The following RBM23 variants were observed in gnomAD, a reference collection of about 807,000 sequenced individuals.
RBM23 encodes the protein probable RNA-binding protein 23.
In RBM23, 53 loss-of-function variants were observed where a neutral mutation model predicts 56.2. That is an observed-to-expected ratio of 0.94 (90% CI 0.76 to 1.19). The LOEUF (loss-of-function observed/expected upper bound fraction) is 1.19. RBM23 is among the 50% of genes most tolerant of loss of function. The pLI is 0.00. For missense variants in RBM23, 642 were observed against 590.3 expected, an observed-to-expected ratio of 1.09 and a Z score of -0.91; for synonymous variants, 197 against 198.5, an observed-to-expected ratio of 0.99 and a Z score of 0.06.
chr14:22,918,045 G>A (rs1166158116), intron 1 of RBM23, among the ~76,000 whole-genome samples: 1 of 152,122 alleles, frequency 6.6e-6, no homozygotes, highest in Non-Finnish European at 1.5e-5. Context: ...GAGGAACAAT[G>A]AGAACGATAA....
rs541548406 is a variant in RBM23, at chr14:22,898,081, G to A, written c.*3649C>T. On this transcript the variant is annotated 3_prime_UTR_variant, in exon 14 of 14. Transcript: ENST00000359890. ...TAAAGCCTTTCCATTACACGGAAAA[G>A]AGGGACTGTGATATAATTCCATCCT... is the stretch of plus-strand genomic sequence containing the variant. 2.0e-5 allele frequency: 3 copies of A among 152,334 alleles called. No individual in the cohort carries two copies. Among genetic ancestry groups the A allele is most frequent in the African/African-American group, 7.2e-5 (3 of 41,574 alleles). The allele number at this position is 152,334 out of a possible 1,614,324, so 9.4% of individuals were successfully genotyped here.
chr14:22,912,327 GGCCTTAT>G (rs1437507544), intron 1 of RBM23, among the ~76,000 whole-genome samples: 5 of 151,944 alleles, frequency 3.3e-5, no homozygotes, highest in Admixed American at 1.3e-4. Context: ...CAATAATTAG[GGCCTTAT>G]CCCTGAGCAT....
chr14:22,903,779 T>C, intron 10 of RBM23: 1 of 1,000,648 alleles, frequency 1.0e-6, no homozygotes, highest in African/African-American at 1.7e-5. Flanking sequence ...TGCCCATAAT[T>C]AGGTGGCCTC....
rs552875763 is a variant in RBM23, at chr14:22,897,158, T to C, written c.*4572A>G. On this transcript the variant is annotated 3_prime_UTR_variant, in exon 14 of 14. Transcript: ENST00000359890. Reference sequence around the variant, plus strand: ...AAGCCTGGTGCTGACTTTAACACTTTAATGAACAGCATTCATTCAATTCTA... The same window carrying C: ...AAGCCTGGTGCTGACTTTAACACTTCAATGAACAGCATTCATTCAATTCTA... 1 of 152,326 alleles carries C rather than the reference T, an allele frequency of 6.6e-6. No homozygotes were observed. The highest frequency in any genetic ancestry group is 2.1e-4 in the South Asian group (1 of 4,830). 9.4% of individuals were successfully genotyped at this position (152,326 alleles called of 1,614,324 possible). A position where few individuals can be genotyped will look rare whatever the true frequency, so the allele number is the denominator to read the frequency against.
At chr14:22,915,945 G>A (rs1470480531) in intron 1 of RBM23, among the ~76,000 whole-genome samples, 1 of 152,204 alleles carries the variant, frequency 6.6e-6, no homozygotes, top group Non-Finnish European at 1.5e-5. Context: ...CCAGGCAGAG[G>A]GGGTGGCTCA....
Position 22,895,617 on chromosome 14 carries a change from A to G in RBM23, c.*6113T>C, listed in dbSNP as rs932404850. ...CACCTGGGCAACATAGCAAGACCCC[A>G]TCTCTACAAAAAATACAAAACTTAG... On this transcript the variant is annotated 3_prime_UTR_variant, in exon 14 of 14. Coordinates refer to ENST00000359890, the MANE Select transcript of RBM23 (RefSeq NM_001077351.2). 6.6e-6 allele frequency: 1 copy of G among 152,662 alleles called. No individual in the cohort carries two copies. Among genetic ancestry groups the G allele is most frequent in the South Asian group, 2.1e-4 (1 of 4,842 alleles). The allele number at this position is 152,662 out of a possible 1,614,324, so 9.5% of individuals were successfully genotyped here.
rs1172818007 is a variant in RBM23 at position 22,895,816 on chromosome 14, C to T, written c.*5914G>A. On this transcript the variant is annotated 3_prime_UTR_variant, in exon 14 of 14. Transcript: ENST00000359890. ...GAGTGCCCTGGTATTTTTCCCCTGCCAGACAAAGCTAATGGTGTTAGGTAC... is the reference window on the plus strand; with the variant it reads ...GAGTGCCCTGGTATTTTTCCCCTGCTAGACAAAGCTAATGGTGTTAGGTAC... The T allele has an allele frequency of 6.6e-6, 1 of 151,080 alleles. No individual in the cohort carries two copies. Among genetic ancestry groups the T allele is most frequent in the Non-Finnish European group, 1.5e-5 (1 of 68,090 alleles). The allele number at this position is 151,080 out of a possible 1,614,324, so 9.4% of individuals were successfully genotyped here. A position where few individuals can be genotyped will look rare whatever the true frequency, so the allele number is the denominator to read the frequency against.
chr14:22,905,577 C>A lies in RBM23; in HGVS notation c.455+29G>T, dbSNP rs764960074. 4 of 1,606,154 alleles carry A rather than the reference C, an allele frequency of 2.5e-6. No homozygotes were observed. In the South Asian group the frequency reaches 4.4e-5, roughly 18 times the overall value. On this transcript the variant is annotated intron_variant, in intron 6 of 13. Coordinates refer to ENST00000359890, the MANE Select transcript of RBM23 (RefSeq NM_001077351.2). The stretch of plus-strand genomic sequence containing the variant: ...TAACCTTTTATTCATACCTCACAAT[C>A]CCTAAAACAGTGTTCATTATCAACC...
intron 1 of RBM23, among the ~76,000 whole-genome samples, chr14:22,916,655 T>C (rs2043559784): frequency 6.6e-6 from 1 of 151,502 alleles, no homozygotes; most frequent in South Asian, 2.1e-4. Context: ...TGTAATTAAC[T>C]TTAAAGGAAA....
Position 22,905,263 on chromosome 14 carries a change from AGAAATCCT to A in RBM23, c.574-25_574-18del. 1 of 1,614,064 alleles carries A rather than the reference AGAAATCCT, an allele frequency of 6.2e-7. No homozygotes were observed. Among genetic ancestry groups the A allele is most frequent in the South Asian group, 1.1e-5 (1 of 91,090 alleles). On this transcript the variant is annotated intron_variant, in intron 7 of 13. Transcript: ENST00000359890. The stretch of plus-strand genomic sequence containing the variant: ...ATCGCGAACCTATCCAGGACGCAAA[AGAAATCCT>A]GAGTTAGGCATAAAGGGAGATACAA...
intron 1 of RBM23, among the ~76,000 whole-genome samples, chr14:22,918,605 TTC>T (rs1011030294): frequency 3.3e-5 from 5 of 152,096 alleles, no homozygotes; most frequent in African/African-American, 4.8e-5. Flanking sequence ...CTCAATTCCC[TTC>T]TCTCTCTCTG....
Position 22,902,255 on chromosome 14 carries a change from T to A in RBM23, c.1058A>T (p.Asp353Val), listed in dbSNP as rs1409263629. The stretch of plus-strand genomic sequence containing the variant: ...TCCCAGATCCAGCTCCTGGTCCCCA[T>A]CAGGAAAAGTGATGTCTGTGCCACC... ...LDGGTDITFP[D>V]GDQELDLGSA... Residue 353 changes from aspartate to valine, a missense_variant, in exon 11 of 14, where the codon GAT becomes GTT. Asp to Val is a radical substitution (Grantham distance 152). Coordinates refer to ENST00000359890, the MANE Select transcript of RBM23 (RefSeq NM_001077351.2). 9 of 1,614,020 alleles carry A rather than the reference T, an allele frequency of 5.6e-6. No individual in the cohort carries two copies. The highest frequency in any genetic ancestry group is 1.1e-5 in the South Asian group (1 of 91,090).
chr14:22,898,330 C>A lies in RBM23; in HGVS notation c.*3400G>T, dbSNP rs1382715422. On this transcript the variant is annotated 3_prime_UTR_variant, in exon 14 of 14. Coordinates refer to ENST00000359890, the MANE Select transcript of RBM23 (RefSeq NM_001077351.2). ...TGGAAGTCAAAAATCAGGTGAGAATCTTTTCTAGAACTGAAGACTGGTAGG... is the reference window on the plus strand; with the variant it reads ...TGGAAGTCAAAAATCAGGTGAGAATATTTTCTAGAACTGAAGACTGGTAGG... 1 of 152,220 alleles carries A rather than the reference C, an allele frequency of 6.6e-6. No individual in the cohort carries two copies. The highest frequency in any genetic ancestry group is 1.9e-4 in the East Asian group (1 of 5,196). 9.4% of individuals were successfully genotyped at this position (152,220 alleles called of 1,614,324 possible).
At chr14:22,903,387 G>A (rs1008296501) in intron 10 of RBM23, 2 of 985,370 alleles carry the variant, frequency 2.0e-6, no homozygotes. Context: ...CAGTCACACA[G>A]AGAGCGAGAA....
In RBM23 at chr14:22,900,717, A is replaced by G. The variant is rs1307648869; in HGVS notation, c.*1013T>C. 1 of 152,206 alleles carries G rather than the reference A, an allele frequency of 6.6e-6. No individual in the cohort carries two copies. Among genetic ancestry groups the G allele is most frequent in the Non-Finnish European group, 1.5e-5 (1 of 68,044 alleles). The allele number at this position is 152,206 out of a possible 1,614,324, so 9.4% of individuals were successfully genotyped here. On this transcript the variant is annotated 3_prime_UTR_variant, in exon 14 of 14. Transcript: ENST00000359890. ...AATGAGAAGTTGTCAGACACACAAC[A>G]AAGACCACACACAAATGGGCAACAG...
chr14:22,906,978 A>C (rs2138987969), intron 4 of RBM23, among the ~76,000 whole-genome samples: 1 of 152,298 alleles, frequency 6.6e-6, no homozygotes, highest in East Asian at 1.9e-4. Context: ...ATTCCAGACC[A>C]GTCTGGCCAA....
At chr14:22,909,363 G>A (rs1417673218) in intron 3 of RBM23, 120 bp downstream of exon 3, 4 of 768,888 alleles carry the variant, frequency 5.2e-6, no homozygotes, top group East Asian at 2.4e-5. Flanking sequence ...CCTAGGTGGA[G>A]CCATTACTAA....
At position 22,897,902 on chromosome 14, in the gene RBM23, T is replaced by C. The variant is rs1046991620; in HGVS notation, c.*3828A>G. 2 of 152,240 alleles carry C rather than the reference T, an allele frequency of 1.3e-5. No individual in the cohort carries two copies. Among genetic ancestry groups the C allele is most frequent in the African/African-American group, 4.8e-5 (2 of 41,464 alleles). 9.4% of individuals were successfully genotyped at this position (152,240 alleles called of 1,614,324 possible). ...AAAGATAATAAACTACTTGAGAGGA[T>C]TGTTGTGAGGATTTTGTGACTTAAT... On this transcript the variant is annotated 3_prime_UTR_variant, in exon 14 of 14. Coordinates refer to ENST00000359890, the MANE Select transcript of RBM23 (RefSeq NM_001077351.2).
In RBM23 at chr14:22,908,366, C is replaced by T. The variant is rs567727164; in HGVS notation, c.194G>A (p.Arg65Gln). 1.1e-5 allele frequency: 17 copies of T among 1,549,060 alleles called. No homozygotes were observed. In the African/African-American group the frequency reaches 1.5e-4, roughly 14 times the overall value. Residue 65 changes from arginine to glutamine, a missense_variant, in exon 4 of 14, where the codon CGG (arginine) becomes CAG (glutamine). Physicochemically the swap from Arg to Gln is conservative, Grantham distance 43 (BLOSUM62 1). Coordinates refer to ENST00000359890, the MANE Select transcript of RBM23 (RefSeq NM_001077351.2). ...TCTATCCCTGCTTTTATTATGGCTC[C>T]GACTCCTCTTCTTCCTGTGAAAGAG... is the stretch of plus-strand genomic sequence containing the variant. ...IGETSKKKRS[R>Q]SHNKSRDRKR...
Sources: gnomAD v4.1 joint callset for allele counts (sites outside exome capture counted in the v4.1 genomes callset) on GRCh38, gnomAD v4.1.1 for gene constraint, MANE v1.5 for transcripts, NCBI Gene and HGNC (gene_info 2026-07-23, HGNC 2026-07-21) for gene names.